The following TBL1XR1 variants were observed in gnomAD, a reference collection of about 807,000 sequenced individuals.
The protein encoded by TBL1XR1 is F-box-like/WD repeat-containing protein TBL1XR1.
TBL1XR1 carries 5 observed loss-of-function variants against 66.9 expected under a neutral mutation model. That is an observed-to-expected ratio of 0.07 (90% CI 0.04 to 0.16). The LOEUF (loss-of-function observed/expected upper bound fraction) is 0.16, where lower values mean the gene tolerates loss of function less well. TBL1XR1 is among the 10% of genes least tolerant of loss of function. TBL1XR1 has a pLI of 1.00. For synonymous variants in TBL1XR1, 210 were observed against 206.0 expected (o/e 1.02, Z -0.17); for missense variants, 238 against 623.2 (o/e 0.38, Z 6.58).
chr3:177,071,709 T>C (rs536916474), intron 2 of TBL1XR1, among the ~76,000 whole-genome samples: 22 of 152,140 alleles, frequency 1.4e-4, no homozygotes, highest in East Asian at 9.6e-4. Flanking sequence ...AGCTAATAGA[T>C]TGACACATAC....
upstream of TBL1XR1, among the ~76,000 whole-genome samples, chr3:177,199,883 G>A (rs983341864): frequency 2.0e-5 from 3 of 152,120 alleles, no homozygotes; most frequent in African/African-American, 2.4e-5. Flanking sequence ...GAAGATCATC[G>A]AGGCTGGGGA....
chr3:177,126,828 A>G (rs569571178), intron 1 of TBL1XR1, among the ~76,000 whole-genome samples: 463 of 137,644 alleles, frequency 3.4e-3, no homozygotes, highest in Non-Finnish European at 5.1e-3. Context: ...AAAAAAAAAA[A>G]GGGCACAAGT....
intron 2 of TBL1XR1, among the ~76,000 whole-genome samples, chr3:177,068,825 A>C (rs1238937959): frequency 1.3e-5 from 2 of 152,346 alleles, no homozygotes; most frequent in East Asian, 3.9e-4. Context: ...AGAAAGAAAT[A>C]AGATTATCTT....
At chr3:177,114,146 T>C (rs1195509929) in intron 1 of TBL1XR1, among the ~76,000 whole-genome samples, 2 of 152,080 alleles carry the variant, frequency 1.3e-5, no homozygotes, top group East Asian at 3.8e-4. Context: ...CACAAAATGG[T>C]AACTATGGGG....
chr3:177,080,230 C>G (rs1721229096), intron 2 of TBL1XR1, among the ~76,000 whole-genome samples: 1 of 152,114 alleles, frequency 6.6e-6, no homozygotes, highest in Non-Finnish European at 1.5e-5. Context: ...TAGAATATAT[C>G]AGCCTTAGTA....
chr3:177,080,941 C>T (rs1721317727), intron 2 of TBL1XR1, among the ~76,000 whole-genome samples: 1 of 152,160 alleles, frequency 6.6e-6, no homozygotes, highest in Non-Finnish European at 1.5e-5. Context: ...CTTAACACTT[C>T]AAGGATATGA....
upstream of TBL1XR1, among the ~76,000 whole-genome samples, chr3:177,199,002 C>A (rs1737270207): frequency 6.6e-6 from 1 of 152,088 alleles, no homozygotes; most frequent in South Asian, 2.1e-4. Flanking sequence ...TCTCTTTCCC[C>A]CCTGAGCCCT....
intron 1 of TBL1XR1, among the ~76,000 whole-genome samples, chr3:177,158,033 A>T (rs1414218514): frequency 1.3e-5 from 2 of 151,994 alleles, no homozygotes; most frequent in Non-Finnish European, 2.9e-5. Flanking sequence ...AGGTTTGCTC[A>T]TAGGTAGGTT....
intron 10 of TBL1XR1, among the ~76,000 whole-genome samples, chr3:177,045,275 T>C (rs1162406483): frequency 6.6e-6 from 1 of 152,158 alleles, no homozygotes; most frequent in East Asian, 1.9e-4. Context: ...ACTGAAATTT[T>C]TTCTAGCACA....
At chr3:177,071,448 C>T (rs1049900699) in intron 2 of TBL1XR1, among the ~76,000 whole-genome samples, 10 of 152,082 alleles carry the variant, frequency 6.6e-5, no homozygotes, top group Admixed American at 2.6e-4. Context: ...AAAAATCCTA[C>T]GTAACTCAGA....
At chr3:177,066,549 A>AC (rs1425386133) in intron 2 of TBL1XR1, among the ~76,000 whole-genome samples, 2 of 152,212 alleles carry the variant, frequency 1.3e-5, no homozygotes, top group Non-Finnish European at 2.9e-5. Flanking sequence ...TCAAGGCAGC[A>AC]CTAAGAGAAA....
chr3:177,148,462 T>C (rs551105313), intron 1 of TBL1XR1, among the ~76,000 whole-genome samples: 81 of 152,338 alleles, frequency 5.3e-4, no homozygotes, highest in African/African-American at 1.9e-3. Flanking sequence ...ACGCCTGTAA[T>C]GCCAGCACTT....
intron 1 of TBL1XR1, among the ~76,000 whole-genome samples, chr3:177,172,310 A>G (rs950337897): frequency 1.6e-4 from 25 of 151,964 alleles, no homozygotes; most frequent in African/African-American, 5.8e-4. Flanking sequence ...AAGAACAAAA[A>G]TATCCACAAG....
chr3:177,113,548 T>C (rs767230736), intron 1 of TBL1XR1, among the ~76,000 whole-genome samples: 109 of 152,168 alleles, frequency 7.2e-4, no homozygotes, highest in Non-Finnish European at 1.3e-3. Context: ...ATCGGCAAAA[T>C]GGCCAGGCAC....
At chr3:177,041,033 G>A (rs1335792539) in intron 10 of TBL1XR1, 1 of 152,122 alleles carries the variant, frequency 6.6e-6, no homozygotes, top group Non-Finnish European at 1.5e-5. Context: ...TTCAAATTAT[G>A]AGAATTCCCA....
At chr3:177,126,756 T>C (rs1259529794) in intron 1 of TBL1XR1, among the ~76,000 whole-genome samples, 1 of 151,742 alleles carries the variant, frequency 6.6e-6, no homozygotes, top group Non-Finnish European at 1.5e-5. Context: ...ATTCAATAAA[T>C]ATGTCTTTAG....
At chr3:177,159,480 T>G (rs1041564772) in intron 1 of TBL1XR1, among the ~76,000 whole-genome samples, 3 of 152,180 alleles carry the variant, frequency 2.0e-5, no homozygotes, top group African/African-American at 7.2e-5. Context: ...CACATATAAA[T>G]GACAAGCTTG....
chr3:177,117,873 A>C (rs907207686), intron 1 of TBL1XR1, among the ~76,000 whole-genome samples: 3 of 152,186 alleles, frequency 2.0e-5, no homozygotes, highest in African/African-American at 7.2e-5. Flanking sequence ...GAAGGAAAAA[A>C]GGTGAATGTC....
intron 2 of TBL1XR1, among the ~76,000 whole-genome samples, chr3:177,074,665 T>A (rs985897038): frequency 2.6e-5 from 4 of 152,176 alleles, no homozygotes; most frequent in African/African-American, 9.7e-5. Flanking sequence ...AAGTTTTCTA[T>A]GCTACCTCCC....
Sources: allele counts gnomAD v4.1 joint callset (sites outside exome capture counted in the v4.1 genomes callset), GRCh38; gene constraint gnomAD v4.1.1; transcripts MANE v1.5; gene names NCBI Gene and HGNC (gene_info 2026-07-23, HGNC 2026-07-21).